The following DPYD variants were observed in gnomAD, a reference collection of about 807,000 sequenced individuals.
The protein encoded by DPYD is dihydropyrimidine dehydrogenase, also known as dihydropyrimidine dehydrogenase [NADP(+)].
DPYD carries 109 observed loss-of-function variants against 116.2 expected under a neutral mutation model. That is an observed-to-expected ratio of 0.94 (90% CI 0.80 to 1.10). DPYD has a LOEUF of 1.10. Among genes scored for constraint, DPYD ranks in the 50% least tolerant of loss-of-function variants. The pLI is 0.00. For synonymous variants in DPYD, 440 were observed against 432.0 expected, an observed-to-expected ratio of 1.02 and a Z score of -0.23; for missense variants, 1,302 against 1,254.5, an observed-to-expected ratio of 1.04 and a Z score of -0.57.
At chr1:97,732,643 C>T (rs1663694448) in intron 4 of DPYD, among the ~76,000 whole-genome samples, 1 of 151,882 alleles carries the variant, frequency 6.6e-6, no homozygotes, top group South Asian at 2.1e-4. Context: ...AACAATAATA[C>T]CCCAGTCCTT....
chr1:97,735,692 A>G (rs1663896012), intron 4 of DPYD, among the ~76,000 whole-genome samples: 1 of 142,248 alleles, frequency 7.0e-6, no homozygotes. Context: ...TGTCATAAAT[A>G]AATAAATAAA....
intron 22 of DPYD, among the ~76,000 whole-genome samples, chr1:97,080,087 GGCAGCTACGTA>G (rs1649050519): frequency 6.6e-6 from 1 of 151,900 alleles, no homozygotes. Flanking sequence ...GGGATTTCAG[GGCAGCTACGTA>G]GGGGTGGATC....
intron 6 of DPYD, among the ~76,000 whole-genome samples, chr1:97,698,317 C>A (rs1397177549): frequency 6.6e-6 from 1 of 151,564 alleles, no homozygotes; most frequent in Non-Finnish European, 1.5e-5. Context: ...ATAAATATAT[C>A]AACATATTTA....
chr1:97,310,946 C>T (rs1372298617), intron 16 of DPYD, among the ~76,000 whole-genome samples: 1 of 151,666 alleles, frequency 6.6e-6, no homozygotes, highest in Admixed American at 6.6e-5. Context: ...AATCATGCCA[C>T]AACTTGGAAT....
chr1:97,711,235 G>C (rs980447669), intron 5 of DPYD, among the ~76,000 whole-genome samples: 1 of 151,826 alleles, frequency 6.6e-6, no homozygotes, highest in Non-Finnish European at 1.5e-5. Flanking sequence ...CAATTGAATA[G>C]AGTGGTTAAA....
intron 20 of DPYD, among the ~76,000 whole-genome samples, chr1:97,148,826 C>A (rs1380660781): frequency 6.6e-6 from 1 of 152,148 alleles, no homozygotes; most frequent in African/African-American, 2.4e-5. Context: ...TCTTACAGTT[C>A]ATTGTTTGTA....
intron 16 of DPYD, among the ~76,000 whole-genome samples, chr1:97,338,489 G>A (rs1029014086): frequency 2.0e-5 from 3 of 152,114 alleles, no homozygotes; most frequent in South Asian, 2.1e-4. Flanking sequence ...CACATATGCC[G>A]GTGGAGCTTC....
chr1:97,261,817 G>C (rs1207638549), intron 18 of DPYD, among the ~76,000 whole-genome samples: 2 of 151,858 alleles, frequency 1.3e-5, no homozygotes, highest in Admixed American at 1.3e-4. Flanking sequence ...GTCATCAGCT[G>C]GTGAGTGTGT....
Position 97,699,495 on chromosome 1 carries a change from G to A in DPYD, c.536C>T (p.Pro179Leu), listed in dbSNP as rs1661476021. The A allele has an allele frequency of 6.2e-7, 1 of 1,613,338 alleles. No homozygotes were observed. Among genetic ancestry groups the A allele is most frequent in the Non-Finnish European group, 8.5e-7 (1 of 1,179,560 alleles). The part of the protein sequence containing the change: ...PQIRNPSLPP[P>L]EKMSEAYSAK... Reference sequence around the variant, plus strand: ...AGAATAGGCTTCAGACATTTTTTCTGGGGGAGGCAGCGAAGGATTTCTGAT... The same window carrying A: ...AGAATAGGCTTCAGACATTTTTTCTAGGGGAGGCAGCGAAGGATTTCTGAT... Residue 179 changes from proline to leucine, a missense_variant, in exon 6 of 23, where the codon CCA (proline) becomes CTA (leucine). Pro to Leu is a moderately conservative substitution (Grantham distance 98, BLOSUM62 -3). Transcript: ENST00000370192.
At chr1:97,589,707 A>G (rs1654375797) in intron 10 of DPYD, among the ~76,000 whole-genome samples, 1 of 152,206 alleles carries the variant, frequency 6.6e-6, no homozygotes, top group Non-Finnish European at 1.5e-5. Flanking sequence ...TCCCTCACTC[A>G]GAGAATGAGA....
intron 13 of DPYD, among the ~76,000 whole-genome samples, chr1:97,467,623 A>G (rs994415767): frequency 1.3e-5 from 2 of 152,124 alleles, no homozygotes; most frequent in African/African-American, 4.8e-5. Flanking sequence ...TCTCGCTGCT[A>G]TCAGGTTGTC....
At chr1:97,370,065 T>C (rs1364147218) in intron 16 of DPYD, among the ~76,000 whole-genome samples, 5 of 152,168 alleles carry the variant, frequency 3.3e-5, no homozygotes, top group Admixed American at 3.3e-4. Flanking sequence ...GCTATGTAAA[T>C]AGTGCTGCAA....
At chr1:97,774,410 C>A (rs934282520) in intron 3 of DPYD, among the ~76,000 whole-genome samples, 2 of 152,144 alleles carry the variant, frequency 1.3e-5, no homozygotes, top group African/African-American at 4.8e-5. Context: ...CTTATCTCTT[C>A]CTTTATGATA....
At chr1:97,311,715 A>G (rs915256837) in intron 16 of DPYD, among the ~76,000 whole-genome samples, 3 of 151,868 alleles carry the variant, frequency 2.0e-5, no homozygotes, top group Non-Finnish European at 4.4e-5. Context: ...CATCAAGAGT[A>G]AAATGAAAAA....
At chr1:97,911,460 G>C (rs1438920455) in intron 1 of DPYD, among the ~76,000 whole-genome samples, 1 of 152,010 alleles carries the variant, frequency 6.6e-6, no homozygotes, top group Non-Finnish European at 1.5e-5. Context: ...AAAATCAAGA[G>C]TCATTTTGGT....
chr1:97,853,040 T>C (rs983429739), intron 2 of DPYD, among the ~76,000 whole-genome samples: 11 of 152,138 alleles, frequency 7.2e-5, no homozygotes, highest in Non-Finnish European at 1.3e-4. Context: ...TTCTGAGTAA[T>C]GGTTGCACAG....
intron 19 of DPYD, among the ~76,000 whole-genome samples, chr1:97,203,511 G>C (rs1458375145): frequency 6.6e-6 from 1 of 151,036 alleles, no homozygotes; most frequent in African/African-American, 2.4e-5. Context: ...ATAGCATTGG[G>C]AGATATACCT....
intron 18 of DPYD, among the ~76,000 whole-genome samples, chr1:97,257,825 A>G (rs1483596730): frequency 2.0e-5 from 3 of 152,072 alleles, no homozygotes; most frequent in South Asian, 2.1e-4. Context: ...CCTGTCTTTA[A>G]GAAATGTACA....
chr1:97,322,312 C>T (rs1441264045), intron 16 of DPYD, among the ~76,000 whole-genome samples: 1 of 150,802 alleles, frequency 6.6e-6, no homozygotes, highest in African/African-American at 2.4e-5. Flanking sequence ...GCTGTAGGAG[C>T]TGGAAAGAAA....
Sources: gnomAD v4.1 joint callset for allele counts (sites outside exome capture counted in the v4.1 genomes callset) on GRCh38, gnomAD v4.1.1 for gene constraint, MANE v1.5 for transcripts, NCBI Gene and HGNC (gene_info 2026-07-23, HGNC 2026-07-21) for gene names.